RGS3: variants seen among roughly 807,000 people sequenced by gnomAD.
RGS3 encodes regulator of G protein signaling 3.
RGS3 carries 80 observed loss-of-function variants against 132.6 expected under a neutral mutation model. The observed-to-expected ratio is 0.60, with a 90% CI of 0.50 to 0.73. The LOEUF (loss-of-function observed/expected upper bound fraction) is 0.73. Ranked by LOEUF, RGS3 falls within the 30% of genes least tolerant of loss-of-function variation. The pLI, the probability that RGS3 is intolerant of heterozygous loss-of-function variation, is 0.00. For synonymous variants in RGS3, 598 were observed against 620.6 expected (o/e 0.96, Z 0.54); for missense variants, 1,382 against 1,530.8 (o/e 0.90, Z 1.62).
chr9:113,577,034 A>G (rs1834561162), intron 19 of RGS3, among the ~76,000 whole-genome samples: 1 of 152,124 alleles, frequency 6.6e-6, no homozygotes, highest in African/African-American at 2.4e-5. Context: ...CCCAGGCTGG[A>G]GTGCAGTGGT....
chr9:113,482,953 G>T (rs1322478772), intron 4 of RGS3, 106 bp from the exon 3 acceptor site: 1 of 1,588,916 alleles, frequency 6.3e-7, no homozygotes, highest in Non-Finnish European at 8.6e-7. Flanking sequence ...TTCTTTTCAG[G>T]TCTCTTTATT....
At chr9:113,483,159 GC>G in intron 5 of RGS3, 42 bp downstream of exon 3, 1 of 1,432,490 alleles carries the variant, frequency 7.0e-7, no homozygotes, top group Non-Finnish European at 9.8e-7. Context: ...ATATTGAGGG[GC>G]CATGTTACTG....
At chr9:113,571,003 G>A (rs2118886575) in intron 19 of RGS3, among the ~76,000 whole-genome samples, 1 of 152,274 alleles carries the variant, frequency 6.6e-6, no homozygotes, top group South Asian at 2.1e-4. Context: ...GAATCATTGG[G>A]TACATATTAT....
intron 3 of RGS3, among the ~76,000 whole-genome samples, chr9:113,469,904 T>G (rs906313064): frequency 6.6e-6 from 1 of 151,874 alleles, no homozygotes; most frequent in Non-Finnish European, 1.5e-5. Context: ...ATAGTTGTTT[T>G]TTTTTTTTTT....
Position 113,591,561 on chromosome 9 carries a change from C to T in RGS3, c.3080+164C>T, listed in dbSNP as rs539937189. On this transcript the variant is annotated intron_variant, in intron 21 of 24. Coordinates refer to ENST00000350696, the Ensembl canonical transcript of RGS3. This position sits in a 1 kb window ranked among gnomAD's most constrained non-coding sequence, Gnocchi z 4.4. The stretch of plus-strand genomic sequence containing the variant: ...CTGGATCTTGGAACTTTGCAGTGAC[C>T]CCAAAGTGGGGTCACCTGGGTCCTG... The T allele has an allele frequency of 4.7e-5, 31 of 653,658 alleles. No individual in the cohort carries two copies. Among genetic ancestry groups the T allele is most frequent in the African/African-American group, 4.2e-4 (23 of 54,910 alleles). 40.5% of individuals were successfully genotyped at this position (653,658 alleles called of 1,614,324 possible).
chr9:113,551,991 G>C (rs1833359069), intron 19 of RGS3, among the ~76,000 whole-genome samples: 1 of 152,164 alleles, frequency 6.6e-6, no homozygotes, highest in African/African-American at 2.4e-5. Flanking sequence ...AGCCATTCTA[G>C]TGGGAGTGAA....
intron 7 of RGS3, among the ~76,000 whole-genome samples, chr9:113,494,711 T>C (rs910686318): frequency 2.0e-5 from 3 of 152,226 alleles, no homozygotes; most frequent in African/African-American, 4.8e-5. Flanking sequence ...GGTCTCAAAC[T>C]CCTGGGCTCA....
At chr9:113,589,003 T>C (rs1835274189) in intron 20 of RGS3, 1 of 152,254 alleles carries the variant, frequency 6.6e-6, no homozygotes, top group Non-Finnish European at 1.5e-5. Context: ...TTCCAAGAGG[T>C]GGTGAGCTCC....
chr9:113,591,877 C>T lies in RGS3; in HGVS notation c.3080+480C>T, dbSNP rs1564621348. The T allele has an allele frequency of 5.9e-6, 1 of 170,240 alleles. No homozygotes were observed. The highest frequency in any genetic ancestry group is 1.5e-4 in the East Asian group (1 of 6,800). 10.5% of individuals were successfully genotyped at this position (170,240 alleles called of 1,614,324 possible). On this transcript the variant is annotated intron_variant, in intron 21 of 24. Coordinates refer to ENST00000350696, the Ensembl canonical transcript of RGS3. The surrounding 1 kb of genome is among the most constrained non-coding windows in gnomAD (Gnocchi z 4.4). Reference sequence around the variant, plus strand: ...GCTGCCGAATCCCGCACTCGCCAAGCCTTTCTGGCCACACTCAGGCCTTCT... The same window carrying T: ...GCTGCCGAATCCCGCACTCGCCAAGTCTTTCTGGCCACACTCAGGCCTTCT...
chr9:113,542,808 C>T (rs1014532999), intron 19 of RGS3, among the ~76,000 whole-genome samples: 6 of 152,224 alleles, frequency 3.9e-5, no homozygotes, highest in African/African-American at 1.4e-4. Flanking sequence ...GTCTTTCTGT[C>T]CCATGCTGAG....
At chr9:113,465,519 A>T (rs1829610598) in intron 3 of RGS3, among the ~76,000 whole-genome samples, 1 of 151,236 alleles carries the variant, frequency 6.6e-6, no homozygotes, top group South Asian at 2.1e-4. Context: ...AACACAATTG[A>T]GATCAAGTTT....
chr9:113,587,221 G>C (rs1418089416), intron 20 of RGS3, among the ~76,000 whole-genome samples: 1 of 147,920 alleles, frequency 6.8e-6, no homozygotes, highest in East Asian at 2.1e-4. Context: ...ACCTCATGCT[G>C]ATGAGGGGCC....
At chr9:113,492,318 G>A (rs1019901529) in intron 7 of RGS3, among the ~76,000 whole-genome samples, 5 of 152,038 alleles carry the variant, frequency 3.3e-5, no homozygotes, top group African/African-American at 1.2e-4. Flanking sequence ...CATTCTCTCT[G>A]GCTCAGTTCA....
chr9:113,463,516 G>A lies in RGS3; in HGVS notation c.415+1315G>A, dbSNP rs1191043919. ...GCGGTGCTGGGGCCGGGATACCCGG[G>A]GTGGCCGCACCGTCCTGCTGGCTCC... is the stretch of plus-strand genomic sequence containing the variant. On this transcript the variant is annotated intron_variant, in intron 3 of 24. Transcript: ENST00000350696. This position sits in a 1 kb window ranked among gnomAD's most constrained non-coding sequence, Gnocchi z 4.6. Among the ~76,000 whole-genome samples the A allele has an allele frequency of 6.6e-6, 1 of 152,168 alleles. No individual in the cohort carries two copies. The highest frequency in any genetic ancestry group is 6.5e-5 in the Admixed American group (1 of 15,292).
At position 113,582,163 on chromosome 9, in the gene RGS3, A is replaced by G. The variant is rs559510573; in HGVS notation, c.2038-1287A>G. ...TGACTCCCAGCTGTGGGGCTTCACC[A>G]TTACAGACTCCCCAGGGCTTCAAAG... is the stretch of plus-strand genomic sequence containing the variant. On this transcript the variant is annotated intron_variant, in intron 19 of 24. Coordinates refer to ENST00000350696, the Ensembl canonical transcript of RGS3. The G allele has an allele frequency of 1.4e-5, 14 of 985,414 alleles. No homozygotes were observed. The East Asian group carries it at 3.4e-4, about 24-fold the overall frequency. 61.0% of individuals were successfully genotyped at this position (985,414 alleles called of 1,614,324 possible).
chr9:113,474,142 T>TA (rs1462580362), intron 3 of RGS3, among the ~76,000 whole-genome samples: 1 of 152,306 alleles, frequency 6.6e-6, no homozygotes, highest in African/African-American at 2.4e-5. Flanking sequence ...CTAGAAGACT[T>TA]ATGCTGGCCG....
chr9:113,508,474 A>G, intron 13 of RGS3, 67 bp from the exon 12 acceptor site: 1 of 1,594,144 alleles, frequency 6.3e-7, no homozygotes, highest in Non-Finnish European at 8.6e-7. Flanking sequence ...CCCCGTGTCC[A>G]GCAGCCTCCT....
In RGS3 at chr9:113,507,522, C is replaced by T. The variant is rs767116547; in HGVS notation, c.1321C>T (p.Arg441Cys). ...TGGGCTGCTGCTCGGCGGCTGGGAG[C>T]GCTACACCGAGGTGGCCAAGCGCGG... The change falls in exon 13 of 25, where the codon CGC (arginine) becomes TGC (cysteine). Residue 441 changes from arginine (R) to cysteine (C), a missense_variant. Coordinates refer to ENST00000350696, the Ensembl canonical transcript of RGS3. This position sits in a 1 kb window ranked among gnomAD's most constrained non-coding sequence, Gnocchi z 5.0. 34 of 1,606,992 alleles carry T rather than the reference C, an allele frequency of 2.1e-5. No homozygotes were observed. The highest frequency in any genetic ancestry group is 1.6e-4 in the East Asian group (7 of 44,700).
intron 19 of RGS3, among the ~76,000 whole-genome samples, chr9:113,561,603 G>A (rs954782047): frequency 1.3e-5 from 1 of 75,648 alleles, no homozygotes; most frequent in Non-Finnish European, 2.7e-5. Context: ...TTTTTTTTTT[G>A]TAGAGATGGA....
Sources: allele counts gnomAD v4.1 joint callset (sites outside exome capture counted in the v4.1 genomes callset), GRCh38; gene constraint gnomAD v4.1.1; non-coding constraint Gnocchi (gnomAD v3.1); transcripts MANE v1.5; gene names NCBI Gene and HGNC (gene_info 2026-07-23, HGNC 2026-07-21).